CSMD2: variants seen among roughly 807,000 people sequenced by gnomAD.
CSMD2 encodes the protein CUB and sushi domain-containing protein 2.
Under a neutral mutation model 398.5 loss-of-function variants are expected in CSMD2, and 130 were observed. That is an observed-to-expected ratio of 0.33 (90% CI 0.28 to 0.38). The LOEUF (loss-of-function observed/expected upper bound fraction) is 0.38. Ranked by LOEUF, CSMD2 falls within the 10% of genes least tolerant of loss-of-function variation. The probability of loss-of-function intolerance (pLI) is 1.00; values close to 1 mark genes in which losing one functional copy is unlikely to be tolerated. For synonymous variants in CSMD2, 1,828 were observed against 1,908.5 expected (o/e 0.96, Z 1.10); for missense variants, 3,829 against 4,764.9 (o/e 0.80, Z 5.78).
At chr1:33,522,587 C>T (rs1347802340) in intron 67 of CSMD2, among the ~76,000 whole-genome samples, 2 of 152,212 alleles carry the variant, frequency 1.3e-5, no homozygotes, top group Non-Finnish European at 2.9e-5. Context: ...TGCCACAGTC[C>T]TCCACCAGCT....
At chr1:33,738,348 T>C (rs771593398) in intron 15 of CSMD2, among the ~76,000 whole-genome samples, 3 of 152,180 alleles carry the variant, frequency 2.0e-5, no homozygotes, top group Non-Finnish European at 4.4e-5. Context: ...CAAATATTTA[T>C]TAAGCACCTA....
rs188735220 is a variant in CSMD2, at chr1:33,771,189, C to T, written c.1846+1380G>A. On this transcript the variant is annotated intron_variant, in intron 13 of 70. Transcript: ENST00000373381. ...GATTAAGCCCCCATGGCACCTGGGGCTCCCACTGTGTGTACCTTTATCTTC... is the reference window on the plus strand; with the variant it reads ...GATTAAGCCCCCATGGCACCTGGGGTTCCCACTGTGTGTACCTTTATCTTC... 1.9e-3 allele frequency among the ~76,000 whole-genome samples: 283 copies of T among 152,318 alleles called. 1 individual carries two copies. The highest frequency in any genetic ancestry group is 3.4e-3 in the Non-Finnish European group (228 of 68,020).
intron 7 of CSMD2, 106 bp downstream of exon 7, chr1:33,825,591 T>C: frequency 2.0e-6 from 2 of 1,002,242 alleles, no homozygotes; most frequent in Non-Finnish European, 3.1e-6. Context: ...GAAGCAGGGT[T>C]GAAGGAAAGT....
chr1:33,728,456 A>G lies in CSMD2; in HGVS notation c.2369-1771T>C, dbSNP rs183909449. 4.3e-3 allele frequency among the ~76,000 whole-genome samples: 652 copies of G among 152,200 alleles called. 3 individuals are homozygous for G. The highest frequency in any genetic ancestry group is 0.015 in the African/African-American group (620 of 41,524). The stretch of plus-strand genomic sequence containing the variant: ...ATTATAATAAGGGTAGTAGTCGTCA[A>G]CTCTTACTGATGACTTACTATGCTA... On this transcript the variant is annotated intron_variant, in intron 15 of 70. Coordinates refer to ENST00000373381, the MANE Select transcript of CSMD2 (RefSeq NM_001281956.2).
chr1:33,683,928 A>G (rs189646396), intron 25 of CSMD2, among the ~76,000 whole-genome samples: 116 of 152,328 alleles, frequency 7.6e-4, no homozygotes, highest in Admixed American at 2.0e-3. Context: ...TTAACTTGCT[A>G]TAATTGCTCA....
chr1:34,032,670 A>G lies in CSMD2; in HGVS notation c.441T>C (p.Ser147=), dbSNP rs765468007. 8.9e-5 allele frequency: 142 copies of G among 1,600,892 alleles called. No individual in the cohort carries two copies. The Middle Eastern group carries it at 1.5e-3, about 17-fold the overall frequency. Residue 147 remains serine, a synonymous_variant, in exon 3 of 71, where the codon AGT becomes AGC. Transcript: ENST00000373381. Reference sequence around the variant, plus strand: ...GGCGCAGAGAGAGGGTGGTGGCTGCACTAACAATGGTGGCTGGCAGCTGAA... The same window carrying G: ...GGCGCAGAGAGAGGGTGGTGGCTGCGCTAACAATGGTGGCTGGCAGCTGAA... ...TGFQLPATIV[S]AATTLSLRLI...
At chr1:33,579,474 T>TCAAGACC (rs1172754136) in intron 48 of CSMD2, among the ~76,000 whole-genome samples, 2 of 151,934 alleles carry the variant, frequency 1.3e-5, no homozygotes, top group Non-Finnish European at 2.9e-5. Context: ...TCTGAGACAG[T>TCAAGACC]CAAGACCCAC....
chr1:33,929,358 T>C (rs1280579527), intron 4 of CSMD2, among the ~76,000 whole-genome samples: 3 of 151,806 alleles, frequency 2.0e-5, no homozygotes, highest in Non-Finnish European at 4.4e-5. Context: ...TTTAAAAAAA[T>C]TAAGTTAAAT....
chr1:33,944,436 G>A (rs1467965645), intron 3 of CSMD2, among the ~76,000 whole-genome samples: 1 of 152,142 alleles, frequency 6.6e-6, no homozygotes, highest in Non-Finnish European at 1.5e-5. Context: ...ATTTGGCCCT[G>A]GGGACAGGTG....
chr1:34,088,283 C>A (rs1467563686), intron 2 of CSMD2, among the ~76,000 whole-genome samples: 1 of 152,220 alleles, frequency 6.6e-6, no homozygotes, highest in Non-Finnish European at 1.5e-5. Context: ...CTGGACAAGG[C>A]TTGTGACAGA....
intron 3 of CSMD2, among the ~76,000 whole-genome samples, chr1:34,013,553 C>T (rs752872638): frequency 6.6e-6 from 1 of 152,172 alleles, no homozygotes; most frequent in Non-Finnish European, 1.5e-5. Context: ...GCTAGGTCTC[C>T]TTTGCCAGGG....
At chr1:33,690,909 C>T (rs1645212960) in intron 25 of CSMD2, among the ~76,000 whole-genome samples, 1 of 152,132 alleles carries the variant, frequency 6.6e-6, no homozygotes, top group African/African-American at 2.4e-5. Flanking sequence ...TGGTCAGTGT[C>T]ATCAGGAAAA....
intron 3 of CSMD2, among the ~76,000 whole-genome samples, chr1:34,025,501 C>A: frequency 6.6e-6 from 1 of 152,122 alleles, no homozygotes; most frequent in East Asian, 1.9e-4. Flanking sequence ...TTTAGGTGAA[C>A]TAGGGGATCG....
intron 13 of CSMD2, among the ~76,000 whole-genome samples, chr1:33,749,733 T>C (rs889742447): frequency 2.1e-4 from 32 of 152,156 alleles, no homozygotes; most frequent in African/African-American, 7.5e-4. Context: ...AAAAGAATAG[T>C]ATACATAACA....
intron 5 of CSMD2, among the ~76,000 whole-genome samples, chr1:33,891,652 G>A (rs943397419): frequency 6.6e-6 from 1 of 151,942 alleles, no homozygotes. Context: ...ACCAACCCAA[G>A]TGTCCAACAA....
intron 13 of CSMD2, among the ~76,000 whole-genome samples, chr1:33,762,119 C>T (rs1366911205): frequency 6.6e-6 from 1 of 152,218 alleles, no homozygotes; most frequent in African/African-American, 2.4e-5. Context: ...TCTGAGGACA[C>T]CCACATCACT....
intron 5 of CSMD2, among the ~76,000 whole-genome samples, chr1:33,886,856 C>T (rs1395365976): frequency 6.6e-6 from 1 of 152,170 alleles, no homozygotes; most frequent in Non-Finnish European, 1.5e-5. Context: ...AAGTGACTCC[C>T]ATTTGTTTAG....
chr1:33,955,338 C>CAGG (rs1553262306), intron 3 of CSMD2, among the ~76,000 whole-genome samples: 34 of 152,250 alleles, frequency 2.2e-4, no homozygotes, highest in African/African-American at 8.2e-4. Context: ...AGCTTCCACG[C>CAGG]AGGAGGCTGA....
At chr1:34,078,933 T>C (rs1453766404) in intron 2 of CSMD2, among the ~76,000 whole-genome samples, 3 of 152,150 alleles carry the variant, frequency 2.0e-5, no homozygotes, top group African/African-American at 7.2e-5. Flanking sequence ...CATCCACTAC[T>C]AACTCTGGGG....
Sources: allele counts gnomAD v4.1 joint callset (sites outside exome capture counted in the v4.1 genomes callset), GRCh38; gene constraint gnomAD v4.1.1; transcripts MANE v1.5; gene names NCBI Gene and HGNC (gene_info 2026-07-23, HGNC 2026-07-21).